EYS: variants seen among roughly 807,000 people sequenced by gnomAD.
EYS encodes the protein protein eyes shut homolog.
EYS carries 250 observed loss-of-function variants against 282.1 expected under a neutral mutation model. The ratio of observed to expected loss-of-function variants is 0.89; its 90% confidence interval spans 0.80 to 0.98. The LOEUF (loss-of-function observed/expected upper bound fraction) is 0.98, where lower values mean the gene tolerates loss of function less well. Ranked by LOEUF, EYS falls within the 50% of genes least tolerant of loss-of-function variation. The probability of loss-of-function intolerance (pLI) is 0.00; values close to 1 mark genes in which losing one functional copy is unlikely to be tolerated. For synonymous variants in EYS, 1,355 were observed against 1,282.9 expected (o/e 1.06, Z -1.20); for missense variants, 4,016 against 3,709.0 (o/e 1.08, Z -2.15).
intron 26 of EYS, among the ~76,000 whole-genome samples, chr6:64,470,690 T>C (rs901209777): frequency 1.3e-5 from 2 of 152,152 alleles, no homozygotes; most frequent in African/African-American, 2.4e-5. Context: ...ATATGGCCCA[T>C]GGGCTGCAAG....
chr6:65,386,506 A>C (rs1437082926), intron 7 of EYS, among the ~76,000 whole-genome samples: 3 of 151,924 alleles, frequency 2.0e-5, no homozygotes, highest in African/African-American at 4.8e-5. Context: ...AAGCACTTCC[A>C]AGTCTTACTC....
At chr6:65,412,200 C>T (rs1335697762) in intron 5 of EYS, among the ~76,000 whole-genome samples, 1 of 152,122 alleles carries the variant, frequency 6.6e-6, no homozygotes, top group East Asian at 1.9e-4. Context: ...ACCTTGATCT[C>T]TATTGCCCAG....
chr6:65,616,184 A>C (rs1766192781), intron 2 of EYS, among the ~76,000 whole-genome samples: 2 of 152,140 alleles, frequency 1.3e-5, no homozygotes, highest in South Asian at 2.1e-4. Flanking sequence ...CACATGTTTT[A>C]CTCATTTATT....
intron 22 of EYS, among the ~76,000 whole-genome samples, chr6:64,693,095 G>T (rs529989015): frequency 1.4e-5 from 2 of 145,986 alleles, no homozygotes; most frequent in South Asian, 2.2e-4. Flanking sequence ...GCACAAGTAT[G>T]AATAAATTTA....
At chr6:64,949,013 A>G (rs1769391937) in intron 14 of EYS, among the ~76,000 whole-genome samples, 1 of 151,918 alleles carries the variant, frequency 6.6e-6, no homozygotes, top group Admixed American at 6.6e-5. Context: ...AGATATTTTA[A>G]ATTTTTCTTA....
intron 16 of EYS, among the ~76,000 whole-genome samples, chr6:64,909,182 T>C (rs1363337211): frequency 6.6e-6 from 1 of 152,178 alleles, no homozygotes; most frequent in African/African-American, 2.4e-5. Flanking sequence ...ACTTGACACA[T>C]CATAGGAAAT....
chr6:65,232,391 T>C lies in EYS; in HGVS notation c.2023+63472A>G, dbSNP rs537148102. On this transcript the variant is annotated intron_variant, in intron 12 of 42. Transcript: ENST00000503581. ...GTGATCTACTGTATTAATGGACTCC[T>C]CAAAAGTGACTACTTTCTTATAATT... Among the ~76,000 whole-genome samples the C allele has an allele frequency of 2.0e-5, 3 of 152,154 alleles. No individual in the cohort carries two copies. The South Asian group carries it at 6.2e-4, about 31-fold the overall frequency.
At chr6:64,450,369 T>A (rs1404300002) in intron 26 of EYS, among the ~76,000 whole-genome samples, 3 of 152,050 alleles carry the variant, frequency 2.0e-5, no homozygotes, top group Non-Finnish European at 4.4e-5. Flanking sequence ...AAGTCCTTAG[T>A]TACCTACAAA....
chr6:65,056,554 C>A (rs1022244523), intron 13 of EYS, among the ~76,000 whole-genome samples: 1 of 151,976 alleles, frequency 6.6e-6, no homozygotes, highest in Non-Finnish European at 1.5e-5. Context: ...AGCACCACTG[C>A]ACCCCAACCT....
intron 12 of EYS, among the ~76,000 whole-genome samples, chr6:65,135,955 A>G (rs567029826): frequency 6.6e-6 from 1 of 152,258 alleles, no homozygotes; most frequent in Admixed American, 6.6e-5. Flanking sequence ...CATGGTATAT[A>G]GCAAATCTAT....
intron 13 of EYS, among the ~76,000 whole-genome samples, chr6:65,016,657 A>T (rs535600973): frequency 3.8e-4 from 58 of 152,330 alleles, no homozygotes; most frequent in African/African-American, 1.1e-3. Flanking sequence ...AAGTCATCCA[A>T]CTTCAATAAT....
chr6:64,950,821 ATATATATATATATT>A (rs1164636899), intron 14 of EYS, among the ~76,000 whole-genome samples: 1,377 of 116,412 alleles, frequency 0.012, 42 homozygotes, highest in African/African-American at 0.039. Context: ...ATATATATAT[ATATATATATATATT>A]GTTGAATTGT....
At chr6:63,955,690 A>ATT (rs1765786059) in intron 35 of EYS, among the ~76,000 whole-genome samples, 4 of 152,164 alleles carry the variant, frequency 2.6e-5, no homozygotes, top group Admixed American at 2.6e-4. Flanking sequence ...GTTTTTGCCT[A>ATT]AATCAATCTG....
At chr6:64,392,649 GCACT>G (rs1773197379) in intron 28 of EYS, among the ~76,000 whole-genome samples, 1 of 150,912 alleles carries the variant, frequency 6.6e-6, no homozygotes, top group Non-Finnish European at 1.5e-5. Context: ...GAAATTTATA[GCACT>G]AAATGCCCAC....
chr6:64,267,291 T>G (rs1418488753), intron 30 of EYS, among the ~76,000 whole-genome samples: 1 of 152,076 alleles, frequency 6.6e-6, no homozygotes, highest in Non-Finnish European at 1.5e-5. Flanking sequence ...TAAAGAAAAG[T>G]AGTTAAAGAC....
At chr6:64,670,952 G>A (rs187889321) in intron 22 of EYS, among the ~76,000 whole-genome samples, 28 of 149,644 alleles carry the variant, frequency 1.9e-4, no homozygotes, top group Middle Eastern at 3.4e-3. Flanking sequence ...AGACTCTGCT[G>A]CTGGAACCCA....
chr6:63,909,697 C>T (rs545891553), intron 35 of EYS, among the ~76,000 whole-genome samples: 11 of 152,278 alleles, frequency 7.2e-5, no homozygotes, highest in South Asian at 2.1e-4. Flanking sequence ...ACTAACACGC[C>T]GCTTCCAGTT....
chr6:65,313,232 A>C, intron 11 of EYS, among the ~76,000 whole-genome samples: 1 of 151,926 alleles, frequency 6.6e-6, no homozygotes, highest in East Asian at 1.9e-4. Flanking sequence ...GGGTACTTTC[A>C]TTCACTTGGT....
chr6:65,289,142 CATAA>C (rs1768451966), intron 12 of EYS, among the ~76,000 whole-genome samples: 1 of 150,566 alleles, frequency 6.6e-6, no homozygotes, highest in Non-Finnish European at 1.5e-5. Context: ...AGTAGTATCC[CATAA>C]ATAGATTTAA....
Sources: allele counts gnomAD v4.1 joint callset (sites outside exome capture counted in the v4.1 genomes callset), GRCh38; gene constraint gnomAD v4.1.1; transcripts MANE v1.5; gene names NCBI Gene and HGNC (gene_info 2026-07-23, HGNC 2026-07-21).